The following KTN1 variants were observed in gnomAD, a reference collection of about 807,000 sequenced individuals.
The protein encoded by KTN1 is kinectin.
A neutral mutation model predicts 222.5 loss-of-function variants in KTN1; 130 were observed. That is an observed-to-expected ratio of 0.58 (90% CI 0.51 to 0.68). KTN1 has a LOEUF of 0.68. Among genes scored for constraint, KTN1 ranks in the 30% least tolerant of loss-of-function variants. The pLI is 0.00. For synonymous variants in KTN1, 512 were observed against 496.3 expected (o/e 1.03, Z -0.42); for missense variants, 1,508 against 1,500.4 (o/e 1.01, Z -0.08).
intron 10 of KTN1, among the ~76,000 whole-genome samples, chr14:55,636,863 T>A (rs1375445144): frequency 6.6e-6 from 1 of 151,842 alleles, no homozygotes; most frequent in Non-Finnish European, 1.5e-5. Context: ...AAGAAAATAC[T>A]CACTTCTTAT....
At chr14:55,662,954 G>A (rs927272348) in intron 32 of KTN1, 8 of 455,824 alleles carry the variant, frequency 1.8e-5, no homozygotes, top group Admixed American at 1.4e-4. Flanking sequence ...CATTGAACCC[G>A]TGTGAAAAGA....
At chr14:55,604,099 T>G (rs1467600840) in intron 1 of KTN1, among the ~76,000 whole-genome samples, 1 of 152,212 alleles carries the variant, frequency 6.6e-6, no homozygotes, top group Non-Finnish European at 1.5e-5. Context: ...CTGAGAGTGT[T>G]AGCCACAATC....
intron 7 of KTN1, 132 bp downstream of exon 7, chr14:55,630,229 G>T: frequency 1.3e-6 from 1 of 774,424 alleles, no homozygotes; most frequent in Non-Finnish European, 2.1e-6. Flanking sequence ...TTCACTCTGC[G>T]TCCTAAGTAA....
chr14:55,621,035 G>T (rs542586166), intron 5 of KTN1, among the ~76,000 whole-genome samples: 1 of 152,008 alleles, frequency 6.6e-6, no homozygotes, highest in Non-Finnish European at 1.5e-5. Context: ...AATTTCTTCC[G>T]CCAGAGACCC....
At chr14:55,593,734 G>A (rs768679203) in intron 1 of KTN1, among the ~76,000 whole-genome samples, 40 of 152,010 alleles carry the variant, frequency 2.6e-4, no homozygotes, top group Non-Finnish European at 4.6e-4. Flanking sequence ...GACATTGGAT[G>A]TTTTGTTGTC....
At chr14:55,610,695 C>T (rs1428793233) in intron 1 of KTN1, among the ~76,000 whole-genome samples, 1 of 151,712 alleles carries the variant, frequency 6.6e-6, no homozygotes, top group Non-Finnish European at 1.5e-5. Context: ...TTGTCTTTTT[C>T]TACAACACAT....
At chr14:55,678,225 T>C (rs1346880870) in intron 41 of KTN1, 127 bp from the exon 42 acceptor site, 1 of 612,914 alleles carries the variant, frequency 1.6e-6, no homozygotes, top group Non-Finnish European at 2.9e-6. Flanking sequence ...ATTTTCATTT[T>C]GGAGGGAAAA....
At position 55,663,160 on chromosome 14, in the gene KTN1, A is replaced by G. The variant is rs538934854; in HGVS notation, c.3091-795A>G. The G allele has an allele frequency of 5.0e-4, 138 of 278,604 alleles. 1 individual carries two copies. The highest frequency in any genetic ancestry group is 2.5e-3 in the African/African-American group (114 of 45,814). The allele number at this position is 278,604 out of a possible 1,614,324, so 17.3% of individuals were successfully genotyped here. On this transcript the variant is annotated intron_variant, in intron 32 of 43. Coordinates refer to ENST00000395314, the MANE Select transcript of KTN1 (RefSeq NM_001079521.2). The stretch of plus-strand genomic sequence containing the variant: ...TGAACTGCCAAGTACAGTGGTTGGC[A>G]TATATTAAGTAATAAATGGTGATTA...
chr14:55,607,645 A>G (rs939811073), intron 1 of KTN1, among the ~76,000 whole-genome samples: 12 of 152,134 alleles, frequency 7.9e-5, no homozygotes, highest in African/African-American at 2.2e-4. Context: ...GAGAAATCCT[A>G]TTTGCCACCA....
chr14:55,662,070 T>C (rs1458836642), intron 32 of KTN1, among the ~76,000 whole-genome samples: 38 of 55,868 alleles, frequency 6.8e-4, no homozygotes, highest in Non-Finnish European at 1.4e-3. Context: ...CCTCCTGCCC[T>C]TTTTTTTTTT....
In KTN1 at chr14:55,631,341, G is replaced by GATTGAT. The variant is rs1555371423; in HGVS notation, c.1221+1246_1221+1247insTGATAT. Among the ~76,000 whole-genome samples the GATTGAT allele has an allele frequency of 2.7e-3, 304 of 114,690 alleles. 6 individuals carry two copies. The highest frequency in any genetic ancestry group is 8.3e-3 in the South Asian group (29 of 3,496). The allele number at this position is 114,690 out of a possible 152,430, so 75.2% of individuals were successfully genotyped here. On this transcript the variant is annotated intron_variant, in intron 7 of 43. Coordinates refer to ENST00000395314, the MANE Select transcript of KTN1 (RefSeq NM_001079521.2). ...CTAAAACTCACCTATTGATAAGGTTGATATATATATATATATATATATATA... is the reference window on the plus strand; with the variant it reads ...CTAAAACTCACCTATTGATAAGGTTGATTGATATATATATATATATATATATATATA...
chr14:55,605,221 A>G (rs1391176804), intron 1 of KTN1, among the ~76,000 whole-genome samples: 2 of 152,168 alleles, frequency 1.3e-5, no homozygotes, highest in African/African-American at 2.4e-5. Context: ...AAACTACTGA[A>G]AGTCATTTTA....
chr14:55,619,319 G>C lies in KTN1; in HGVS notation c.963+7G>C, dbSNP rs376616924. The C allele has an allele frequency of 6.2e-7, 1 of 1,612,318 alleles. No homozygotes were observed. The highest frequency in any genetic ancestry group is 8.5e-7 in the Non-Finnish European group (1 of 1,179,466). On this transcript the variant is annotated splice_region_variant and intron_variant, in intron 5 of 43. Transcript: ENST00000395314. ...ACAAGATGCTTTAAAGAAGGTAAGCGTGTTTTTTGATTATGGGCATATTCA... is the reference window on the plus strand; with the variant it reads ...ACAAGATGCTTTAAAGAAGGTAAGCCTGTTTTTTGATTATGGGCATATTCA...
In KTN1 at chr14:55,673,233, GAC is replaced by G; in HGVS notation, c.3751_3752del (p.Gln1251GlufsTer2). On this transcript the variant is annotated frameshift_variant, in exon 40 of 44. Transcript: ENST00000395314. LOFTEE classifies it high-confidence loss of function. ...GATGATTCATATTCTGAAGCAGTAA[GAC>G]AGAATGAAGAGCTAAATTTGGTAAG... 6.2e-7 allele frequency: 1 copy of G among 1,612,236 alleles called. No homozygotes were observed. Among genetic ancestry groups the G allele is most frequent in the Non-Finnish European group, 8.5e-7 (1 of 1,178,688 alleles).
At chr14:55,659,503 T>C (rs1459840883) in intron 30 of KTN1, among the ~76,000 whole-genome samples, 163 bp from the exon 31 acceptor site, 1 of 152,158 alleles carries the variant, frequency 6.6e-6, no homozygotes, top group Non-Finnish European at 1.5e-5. Context: ...GATTTGTACA[T>C]GTTTTTATTA....
chr14:55,648,723 T>C (rs777160473), intron 20 of KTN1, 79 bp from the exon 21 acceptor site: 4 of 929,478 alleles, frequency 4.3e-6, no homozygotes, highest in South Asian at 2.9e-5. Context: ...GCTAAAGAAA[T>C]GAGAAACTAA....
intron 18 of KTN1, among the ~76,000 whole-genome samples, chr14:55,645,223 C>T (rs1382098746): frequency 1.3e-5 from 2 of 152,060 alleles, no homozygotes; most frequent in Admixed American, 6.6e-5. Context: ...TGAGGGAATA[C>T]AATGTTCAAA....
At chr14:55,586,591 A>G (rs1228001069) in intron 1 of KTN1, among the ~76,000 whole-genome samples, 3 of 152,176 alleles carry the variant, frequency 2.0e-5, no homozygotes, top group Admixed American at 6.5e-5. Context: ...GAGCTGTTTT[A>G]TAAGAATGCT....
chr14:55,661,593 A>G lies in KTN1; in HGVS notation c.3071A>G (p.His1024Arg). 6.3e-7 allele frequency: 1 copy of G among 1,577,990 alleles called. No individual in the cohort carries two copies. The highest frequency in any genetic ancestry group is 1.1e-5 in the South Asian group (1 of 89,946). Reference sequence around the variant, plus strand: ...GATTCTTTGAAGGATGCAGTTGAACACCAGAGGAAGAAAAACAATGTAAGT... The same window carrying G: ...GATTCTTTGAAGGATGCAGTTGAACGCCAGAGGAAGAAAAACAATGTAAGT... ...ELDSLKDAVE[H>R]QRKKNNDLRE... The change falls in exon 32 of 44, where the codon CAC becomes CGC. Residue 1024 changes from histidine (H) to arginine (R), a missense_variant. Transcript: ENST00000395314.
Sources: allele counts gnomAD v4.1 joint callset (sites outside exome capture counted in the v4.1 genomes callset), GRCh38; gene constraint gnomAD v4.1.1; transcripts MANE v1.5; gene names NCBI Gene and HGNC (gene_info 2026-07-23, HGNC 2026-07-21).